Variants in SRBD1 observed in about 807,000 individuals in gnomAD.
SRBD1 encodes S1 RNA-binding domain-containing protein 1.
In SRBD1, 88 loss-of-function variants were observed where a neutral mutation model predicts 115.3. The observed-to-expected ratio is 0.76, with a 90% CI of 0.64 to 0.91. The LOEUF (loss-of-function observed/expected upper bound fraction) is 0.91. Among genes scored for constraint, SRBD1 ranks in the 40% least tolerant of loss-of-function variants. The pLI is 0.00. For missense variants in SRBD1, 1,385 were observed against 1,177.4 expected (o/e 1.18, Z -2.58); for synonymous variants, 509 against 407.7 (o/e 1.25, Z -2.99).
At chr2:45,527,998 A>G (rs914086555) in intron 14 of SRBD1, among the ~76,000 whole-genome samples, 45 of 151,888 alleles carry the variant, frequency 3.0e-4, no homozygotes, top group African/African-American at 1.1e-3. Flanking sequence ...ATCAGGAGAG[A>G]TTTAGCTGAG....
At chr2:45,531,901 A>G (rs964550606) in intron 14 of SRBD1, among the ~76,000 whole-genome samples, 4 of 151,796 alleles carry the variant, frequency 2.6e-5, no homozygotes, top group Admixed American at 1.3e-4. Context: ...TGGTTGAACA[A>G]TCTCTGAATA....
intron 8 of SRBD1, among the ~76,000 whole-genome samples, chr2:45,574,063 T>C (rs925429237): frequency 6.6e-6 from 1 of 152,178 alleles, no homozygotes; most frequent in Non-Finnish European, 1.5e-5. Flanking sequence ...TTTTTAATGA[T>C]GCATAAAATC....
intron 17 of SRBD1, among the ~76,000 whole-genome samples, chr2:45,419,480 C>T (rs947351543): frequency 6.6e-6 from 1 of 152,240 alleles, no homozygotes; most frequent in African/African-American, 2.4e-5. Context: ...AATCTCTACT[C>T]TCACGTGGTG....
At chr2:45,548,208 A>C (rs1307485214) in intron 12 of SRBD1, among the ~76,000 whole-genome samples, 1 of 151,574 alleles carries the variant, frequency 6.6e-6, no homozygotes, top group Non-Finnish European at 1.5e-5. Context: ...AAATAACCCA[A>C]AGAAAGCAGA....
chr2:45,477,480 A>G (rs539118167), intron 15 of SRBD1, among the ~76,000 whole-genome samples: 3 of 152,342 alleles, frequency 2.0e-5, no homozygotes, highest in African/African-American at 7.2e-5. Flanking sequence ...AAATATATTT[A>G]TATGTCAAAT....
rs199763848 is a variant in SRBD1, at chr2:45,414,755, C to CAT, written c.2334-1463_2334-1462insAT. On this transcript the variant is annotated intron_variant, in intron 18 of 20. Coordinates refer to ENST00000263736, the MANE Select transcript of SRBD1 (RefSeq NM_018079.5). ...AGTGTGTATATAGTATGTACACACA[C>CAT]ACAGTGTGTATATAGTATGTACACA... Among the ~76,000 whole-genome samples, 523 of 115,504 alleles carry CAT rather than the reference C, an allele frequency of 4.5e-3. 12 individuals carry two copies. The highest frequency in any genetic ancestry group is 0.018 in the East Asian group (72 of 4,104). 75.8% of individuals were successfully genotyped at this position (115,504 alleles called of 152,430 possible).
intron 4 of SRBD1, among the ~76,000 whole-genome samples, chr2:45,595,474 G>A (rs1487563679): frequency 3.3e-5 from 5 of 152,128 alleles, no homozygotes; most frequent in Non-Finnish European, 7.4e-5. Flanking sequence ...TTTTGTGGCA[G>A]ATAATATGCA....
chr2:45,553,522 G>T (rs11891979), intron 11 of SRBD1, 101 bp downstream of exon 11: 1 of 709,264 alleles, frequency 1.4e-6, no homozygotes, highest in East Asian at 3.1e-5. Context: ...AAATTCTTTC[G>T]ATTGGTTAAT....
At chr2:45,567,532 C>T (rs147200764) in intron 9 of SRBD1, among the ~76,000 whole-genome samples, 2 of 152,088 alleles carry the variant, frequency 1.3e-5, no homozygotes, top group South Asian at 4.1e-4. Flanking sequence ...TGCCTTCAGC[C>T]CGCAAGGCGA....
At chr2:45,438,111 G>A (rs940301606) in intron 16 of SRBD1, among the ~76,000 whole-genome samples, 1 of 152,082 alleles carries the variant, frequency 6.6e-6, no homozygotes. Flanking sequence ...TGCATATGTG[G>A]CAGGAAGATT....
At chr2:45,594,305 G>T (rs567306562) in intron 4 of SRBD1, among the ~76,000 whole-genome samples, 3 of 152,164 alleles carry the variant, frequency 2.0e-5, no homozygotes, top group South Asian at 4.2e-4. Context: ...TAATAAAAAA[G>T]GTTTTGTTTG....
intron 18 of SRBD1, among the ~76,000 whole-genome samples, chr2:45,416,398 A>C (rs1039111902): frequency 2.7e-4 from 41 of 152,224 alleles, no homozygotes; most frequent in African/African-American, 9.6e-4. Flanking sequence ...ACAAATCTTC[A>C]AGTACCTAAT....
chr2:45,474,724 G>A (rs1054199590), intron 16 of SRBD1, among the ~76,000 whole-genome samples: 2 of 152,118 alleles, frequency 1.3e-5, no homozygotes. Context: ...GACTCCACCA[G>A]GTTTTATTTC....
rs1443843990 is a variant in SRBD1 at position 45,418,258 on chromosome 2, C to T, written c.2333+107G>A. 8 of 1,291,624 alleles carry T rather than the reference C, an allele frequency of 6.2e-6. No individual in the cohort carries two copies. In the East Asian group the frequency reaches 1.4e-4, roughly 23 times the overall value. 80.0% of individuals were successfully genotyped at this position (1,291,624 alleles called of 1,614,324 possible). A position where few individuals can be genotyped will look rare whatever the true frequency, so the allele number is the denominator to read the frequency against. The stretch of plus-strand genomic sequence containing the variant: ...CACTCAACACTTAACTGAATGAAGG[C>T]ATGAACAATGGACACTTAGAAAATT... On this transcript the variant is annotated intron_variant, in intron 18 of 20. Coordinates refer to ENST00000263736, the MANE Select transcript of SRBD1 (RefSeq NM_018079.5).
chr2:45,474,921 G>T (rs1669761809), intron 16 of SRBD1, among the ~76,000 whole-genome samples: 1 of 152,164 alleles, frequency 6.6e-6, no homozygotes, highest in Non-Finnish European at 1.5e-5. Flanking sequence ...TGAATATGCA[G>T]CTGATGATGG....
intron 14 of SRBD1, among the ~76,000 whole-genome samples, chr2:45,514,260 A>G (rs1572721228): frequency 6.6e-6 from 1 of 152,140 alleles, no homozygotes; most frequent in African/African-American, 2.4e-5. Context: ...ATTTTTCACA[A>G]ATTTCCAGTT....
At chr2:45,516,693 G>C (rs1671128802) in intron 14 of SRBD1, among the ~76,000 whole-genome samples, 2 of 151,968 alleles carry the variant, frequency 1.3e-5, no homozygotes, top group African/African-American at 4.8e-5. Flanking sequence ...TAAGTGTAGA[G>C]GTATAAAAAC....
rs548123769 is a variant in SRBD1 at position 45,462,013 on chromosome 2, A to C, written c.2049+14980T>G. Among the ~76,000 whole-genome samples, 13 of 152,332 alleles carry C rather than the reference A, an allele frequency of 8.5e-5. No homozygotes were observed. In the South Asian group the frequency reaches 2.7e-3, roughly 32 times the overall value. The stretch of plus-strand genomic sequence containing the variant: ...TTATTTTCCCACAATAAAATGAAGA[A>C]AAGAAACAGAGATTAAAAATTGTAC... On this transcript the variant is annotated intron_variant, in intron 16 of 20. Transcript: ENST00000263736.
Position 45,573,280 on chromosome 2 carries a change from T to G in SRBD1, c.1232A>C (p.Asn411Thr), listed in dbSNP as rs373743779. 8.4e-5 allele frequency: 136 copies of G among 1,612,554 alleles called. No homozygotes were observed. The highest frequency in any genetic ancestry group is 1.1e-4 in the Non-Finnish European group (129 of 1,179,442). Residue 411 changes from asparagine to threonine, a missense_variant, in exon 9 of 21, where the codon AAT becomes ACT. Transcript: ENST00000263736. Reference sequence around the variant, plus strand: ...CAGAAACTTATCAACATCTTTCTCATTTACCTTTTTTGAGGATACTTTTGC... The same window carrying G: ...CAGAAACTTATCAACATCTTTCTCAGTTACCTTTTTTGAGGATACTTTTGC... ...SLAKVSSKKV[N>T]EKDVDKFLLY...
Sources: allele counts gnomAD v4.1 joint callset (sites outside exome capture counted in the v4.1 genomes callset), GRCh38; gene constraint gnomAD v4.1.1; transcripts MANE v1.5; gene names NCBI Gene and HGNC (gene_info 2026-07-23, HGNC 2026-07-21).